Variants in PCOLCE2 observed in about 807,000 individuals in gnomAD.
The protein encoded by PCOLCE2 is procollagen C-proteinase enhancer 2.
In PCOLCE2, 42 loss-of-function variants were observed where a neutral mutation model predicts 47.0. That is an observed-to-expected ratio of 0.89 (90% confidence interval 0.70 to 1.16). The LOEUF (loss-of-function observed/expected upper bound fraction) is 1.16. Ranked by LOEUF, PCOLCE2 falls within the 50% of genes most tolerant of loss-of-function variation. The probability of loss-of-function intolerance (pLI) is 0.00; values close to 1 mark genes in which losing one functional copy is unlikely to be tolerated. For synonymous variants in PCOLCE2, 169 were observed against 191.7 expected (o/e 0.88, Z 0.98); for missense variants, 500 against 526.1 (o/e 0.95, Z 0.49).
chr3:142,843,035 A>T lies in PCOLCE2; in HGVS notation c.462T>A (p.Cys154Ter). The change falls in exon 4 of 9, where the codon TGT becomes TGA. Residue 154 changes from cysteine to a stop codon, truncating the protein, a stop_gained. Transcript: ENST00000295992. LOFTEE classifies it high-confidence loss of function. ...CGGAAGGTCTGTCAAGGAGTCCTCC[A>T]CAATACTGATCCCCTTCAAGTATTA... Reference protein sequence around the residue: ...AEPNERGDQYCGGLLDRPSGS... With the variant: ...AEPNERGDQY The T allele has an allele frequency of 6.2e-7, 1 of 1,613,976 alleles. No homozygotes were observed. The highest frequency in any genetic ancestry group is 8.5e-7 in the Non-Finnish European group (1 of 1,179,878).
In PCOLCE2 at chr3:142,888,822, G is replaced by T; in HGVS notation, c.75C>A (p.Ser25=). The change falls in exon 1 of 9, where the codon TCC becomes TCA. Residue 25 remains serine (S), a synonymous_variant. Coordinates refer to ENST00000295992, the MANE Select transcript of PCOLCE2 (RefSeq NM_013363.4). The stretch of plus-strand genomic sequence containing the variant: ...GGCAGGGGTCGCGTTACCTCTCTGG[G>T]GACTGCTGCCGCGAGAGCTGGGTGG... ...AAATQLSRQQ[S]PERPVFTCGG... The T allele has an allele frequency of 6.5e-7, 1 of 1,538,710 alleles. No homozygotes were observed. Among genetic ancestry groups the T allele is most frequent in the Non-Finnish European group, 8.7e-7 (1 of 1,145,270 alleles).
chr3:142,827,782 AC>A (rs1937101149), intron 6 of PCOLCE2: 3 of 617,616 alleles, frequency 4.9e-6, no homozygotes, highest in African/African-American at 3.7e-5. Flanking sequence ...GGACCCGTGT[AC>A]CCCTACGCAT....
chr3:142,821,078 A>G (rs965199560), intron 7 of PCOLCE2, 33 bp from the exon 8 acceptor site: 10 of 1,533,802 alleles, frequency 6.5e-6, no homozygotes, highest in Non-Finnish European at 9.0e-6. Context: ...GTGATGTGAC[A>G]GTGAAGGCAA....
At chr3:142,823,468 T>G in intron 7 of PCOLCE2, 64 bp downstream of exon 7, 37 of 941,974 alleles carry the variant, frequency 3.9e-5, no homozygotes, top group Non-Finnish European at 5.8e-5. Context: ...GGAATTCCTT[T>G]GAGATTAAGC....
intron 3 of PCOLCE2, among the ~76,000 whole-genome samples, chr3:142,843,720 A>C (rs1293902673): frequency 4.6e-5 from 7 of 152,092 alleles, no homozygotes; most frequent in Admixed American, 4.6e-4. Flanking sequence ...AAATAATGTA[A>C]GAATTATTTT....
At chr3:142,863,408 C>T (rs1278506701) in intron 2 of PCOLCE2, among the ~76,000 whole-genome samples, 1 of 152,150 alleles carries the variant, frequency 6.6e-6, no homozygotes, top group Non-Finnish European at 1.5e-5. Flanking sequence ...CTGAATGTTG[C>T]AATATCATAA....
chr3:142,852,055 C>T (rs1287562624), intron 2 of PCOLCE2, among the ~76,000 whole-genome samples: 2 of 152,178 alleles, frequency 1.3e-5, no homozygotes, highest in East Asian at 1.9e-4. Context: ...CATGCTGACC[C>T]GAACAACCCC....
chr3:142,884,665 A>C (rs140012437), intron 2 of PCOLCE2, among the ~76,000 whole-genome samples: 39 of 152,366 alleles, frequency 2.6e-4, no homozygotes, highest in Non-Finnish European at 5.3e-4. Context: ...AAGCTGAGTC[A>C]AGAGTCTTGA....
intron 2 of PCOLCE2, among the ~76,000 whole-genome samples, chr3:142,876,544 T>C (rs143491515): frequency 1.4e-4 from 22 of 152,326 alleles, no homozygotes; most frequent in African/African-American, 5.1e-4. Flanking sequence ...TGTGGGTCAC[T>C]GGTCTCAGCT....
chr3:142,858,756 A>G (rs1398008662), intron 2 of PCOLCE2, among the ~76,000 whole-genome samples: 1 of 148,316 alleles, frequency 6.7e-6, no homozygotes, highest in Non-Finnish European at 1.5e-5. Flanking sequence ...TGTGTGTGTA[A>G]GAGAGAGACA....
intron 6 of PCOLCE2, chr3:142,827,696 A>G: frequency 8.8e-7 from 1 of 1,141,870 alleles, no homozygotes; most frequent in Non-Finnish European, 1.3e-6. Flanking sequence ...CACCTTGGGG[A>G]GGGGCGCGCT....
At chr3:142,866,567 G>A (rs577509666) in intron 2 of PCOLCE2, among the ~76,000 whole-genome samples, 2 of 152,160 alleles carry the variant, frequency 1.3e-5, no homozygotes, top group African/African-American at 4.8e-5. Context: ...ATGGGTACAA[G>A]AACAGTCTTT....
chr3:142,827,157 A>G (rs1407885258), intron 6 of PCOLCE2: 4 of 1,442,430 alleles, frequency 2.8e-6, no homozygotes, highest in Non-Finnish European at 3.9e-6. Flanking sequence ...GCGGGCAGCA[A>G]TGAGACCCAT....
At chr3:142,820,042 A>AT (rs1336436172) in intron 8 of PCOLCE2, among the ~76,000 whole-genome samples, 3 of 152,034 alleles carry the variant, frequency 2.0e-5, no homozygotes, top group African/African-American at 7.2e-5. Flanking sequence ...CTTGTGTGTG[A>AT]TATGATTCCA....
In PCOLCE2 at chr3:142,835,460, CTG is replaced by C. The variant is rs374098208; in HGVS notation, c.710+3308_710+3309del. Among the ~76,000 whole-genome samples, 120 of 151,084 alleles carry C rather than the reference CTG, an allele frequency of 7.9e-4. 2 individuals carry two copies. In the East Asian group the frequency reaches 0.013, roughly 16 times the overall value. ...TTTTATATCCTTTTATTTTCAAACT[CTG>C]TTTTTATTTTGGGGGGATGTGTCTT... is the stretch of plus-strand genomic sequence containing the variant. On this transcript the variant is annotated intron_variant, in intron 5 of 8. Coordinates refer to ENST00000295992, the MANE Select transcript of PCOLCE2 (RefSeq NM_013363.4).
In PCOLCE2 at chr3:142,820,924, A is replaced by G. The variant is rs1213143046; in HGVS notation, c.1071T>C (p.Ser357=). The G allele has an allele frequency of 6.2e-7, 1 of 1,614,022 alleles. No individual in the cohort carries two copies. The highest frequency in any genetic ancestry group is 8.5e-7 in the Non-Finnish European group (1 of 1,179,960). ...LAIQQAGKNM[S]ARLTVVCKQC... ...GCTTGCAGACGACAGTCAGCCTGGCACTCATGTTCTTGCCCGCCTGCTGAA... is the reference window on the plus strand; with the variant it reads ...GCTTGCAGACGACAGTCAGCCTGGCGCTCATGTTCTTGCCCGCCTGCTGAA... The change falls in exon 8 of 9, where the codon AGT becomes AGC. Residue 357 remains serine (S), a synonymous_variant. Coordinates refer to ENST00000295992, the MANE Select transcript of PCOLCE2 (RefSeq NM_013363.4).
rs143012541 is a variant in PCOLCE2 at position 142,823,296 on chromosome 3, T to G, written c.949+236A>C. Among the ~76,000 whole-genome samples the G allele has an allele frequency of 4.3e-3, 662 of 152,340 alleles. 7 individuals carry two copies. Among genetic ancestry groups the G allele is most frequent in the African/African-American group, 0.015 (632 of 41,564 alleles). On this transcript the variant is annotated intron_variant, in intron 7 of 8. Transcript: ENST00000295992. ...CAGAACACACAATGTGGCAGTATCA[T>G]GTACCAAGAGTCAAATTATTAAGCT... is the stretch of plus-strand genomic sequence containing the variant.
chr3:142,859,570 T>C (rs1031051214), intron 2 of PCOLCE2, among the ~76,000 whole-genome samples: 2 of 152,056 alleles, frequency 1.3e-5, no homozygotes, highest in East Asian at 3.9e-4. Flanking sequence ...TCTTGTTTTT[T>C]TTTTTTGAGA....
rs1578055058 is a variant in PCOLCE2 at position 142,887,739 on chromosome 3, G to A, written c.122C>T (p.Ser41Phe). The A allele has an allele frequency of 3.1e-6, 5 of 1,608,164 alleles. No individual in the cohort carries two copies. The highest frequency in any genetic ancestry group is 4.3e-6 in the Non-Finnish European group (5 of 1,174,760). ...FTCGGILTGE[S>F]GFIGSEGFPG... ...AAAACCTTCACTGCCAATAAATCCAGACTCTCCAGTAAGAATGCCACCACA... is the reference window on the plus strand; with the variant it reads ...AAAACCTTCACTGCCAATAAATCCAAACTCTCCAGTAAGAATGCCACCACA... Residue 41 changes from serine (S) to phenylalanine (F), a missense_variant, in exon 2 of 9, where the codon TCT becomes TTT. Coordinates refer to ENST00000295992, the MANE Select transcript of PCOLCE2 (RefSeq NM_013363.4).
Sources: allele counts gnomAD v4.1 joint callset (sites outside exome capture counted in the v4.1 genomes callset), GRCh38; gene constraint gnomAD v4.1.1; transcripts MANE v1.5; gene names NCBI Gene and HGNC (gene_info 2026-07-23, HGNC 2026-07-21).